EPC2: variants seen among roughly 807,000 people sequenced by gnomAD.
EPC2 encodes enhancer of polycomb 2.
EPC2 carries 14 observed loss-of-function variants against 92.1 expected under a neutral mutation model. That is an observed-to-expected ratio of 0.15 (90% CI 0.10 to 0.24). The LOEUF (loss-of-function observed/expected upper bound fraction) is 0.24, where lower values mean the gene tolerates loss of function less well. EPC2 is among the 10% of genes least tolerant of loss of function. The pLI, the probability that EPC2 is intolerant of heterozygous loss-of-function variation, is 1.00. For synonymous variants in EPC2, 340 were observed against 334.7 expected (o/e 1.02, Z -0.17); for missense variants, 755 against 971.5 (o/e 0.78, Z 2.96).
intron 7 of EPC2, among the ~76,000 whole-genome samples, chr2:148,765,411 T>C (rs1335098488): frequency 6.6e-6 from 1 of 152,198 alleles, no homozygotes; most frequent in African/African-American, 2.4e-5. Flanking sequence ...TTTTTCCCTC[T>C]ATTTAAAATA....
chr2:148,740,001 T>C (rs1272866858), intron 2 of EPC2, among the ~76,000 whole-genome samples: 7 of 151,906 alleles, frequency 4.6e-5, no homozygotes, highest in Non-Finnish European at 1.0e-4. Flanking sequence ...CCCTTCTTTA[T>C]GTTGAGGTGG....
intron 2 of EPC2, among the ~76,000 whole-genome samples, chr2:148,715,801 A>G (rs1682248298): frequency 6.6e-6 from 1 of 152,150 alleles, no homozygotes; most frequent in African/African-American, 2.4e-5. Flanking sequence ...TGAATCTATA[A>G]ATTGTTTTGG....
chr2:148,660,562 T>TATC (rs1243331737), intron 1 of EPC2, among the ~76,000 whole-genome samples: 1 of 152,010 alleles, frequency 6.6e-6, no homozygotes, highest in African/African-American at 2.4e-5. Context: ...GAAATTGACA[T>TATC]ATCAGTCAGA....
rs146990501 is a variant in EPC2, at chr2:148,751,429, A to C, written c.460-2498A>C. On this transcript the variant is annotated intron_variant, in intron 3 of 13. Coordinates refer to ENST00000258484, the MANE Select transcript of EPC2 (RefSeq NM_015630.4). The stretch of plus-strand genomic sequence containing the variant: ...ATCAACTCAGAGCTATCTTGGAAAT[A>C]ATAAATTTACCAGACTTTTTTGCCA... Among the ~76,000 whole-genome samples, 498 of 152,214 alleles carry C rather than the reference A, an allele frequency of 3.3e-3. 4 individuals are homozygous for C. The highest frequency in any genetic ancestry group is 0.011 in the African/African-American group (462 of 41,534).
intron 2 of EPC2, among the ~76,000 whole-genome samples, chr2:148,710,159 TCAAA>T (rs576462317): frequency 3.0e-4 from 45 of 151,782 alleles, no homozygotes; most frequent in African/African-American, 9.9e-4. Flanking sequence ...AAGAAAAAAA[TCAAA>T]CAACACCATC....
chr2:148,785,493 A>G (rs1259544859), intron 13 of EPC2, among the ~76,000 whole-genome samples: 1 of 152,066 alleles, frequency 6.6e-6, no homozygotes, highest in Non-Finnish European at 1.5e-5. Context: ...ATGCCTGGCT[A>G]ATTTTTGTAT....
At chr2:148,778,023 G>T (rs921348063) in intron 10 of EPC2, among the ~76,000 whole-genome samples, 1 of 152,142 alleles carries the variant, frequency 6.6e-6, no homozygotes, top group African/African-American at 2.4e-5. Context: ...GTGTTATATA[G>T]AATGTGTTAC....
chr2:148,695,571 A>G (rs1359935938), intron 2 of EPC2, among the ~76,000 whole-genome samples: 1 of 152,230 alleles, frequency 6.6e-6, no homozygotes, highest in Non-Finnish European at 1.5e-5. Context: ...CTTCAGTCTC[A>G]TTATCCTTGG....
At chr2:148,651,226 C>G (rs1031648235) in intron 1 of EPC2, among the ~76,000 whole-genome samples, 3 of 152,146 alleles carry the variant, frequency 2.0e-5, no homozygotes, top group Admixed American at 6.5e-5. Flanking sequence ...TCTGAGGATG[C>G]TGAGTAGACC....
chr2:148,766,757 T>C (rs114844733), intron 7 of EPC2, among the ~76,000 whole-genome samples: 1,767 of 152,318 alleles, frequency 0.012, 33 homozygotes, highest in African/African-American at 0.041. Flanking sequence ...ATCTACATCA[T>C]ACATACTGGG....
intron 3 of EPC2, among the ~76,000 whole-genome samples, chr2:148,748,057 C>A (rs1683018359): frequency 6.6e-6 from 1 of 152,006 alleles, no homozygotes; most frequent in Non-Finnish European, 1.5e-5. Flanking sequence ...GTGGATTTTC[C>A]CCTTGCTGTT....
intron 1 of EPC2, among the ~76,000 whole-genome samples, chr2:148,681,258 AT>A (rs113551392): frequency 1.3e-5 from 2 of 150,604 alleles, no homozygotes; most frequent in African/African-American, 2.4e-5. Flanking sequence ...GATAAAAGAG[AT>A]TTTTTTTTTC....
chr2:148,685,850 T>C (rs898906952), intron 1 of EPC2, among the ~76,000 whole-genome samples: 1 of 152,270 alleles, frequency 6.6e-6, no homozygotes, highest in African/African-American at 2.4e-5. Context: ...GTCTAAAATA[T>C]ATCCATTCCT....
At chr2:148,714,392 TAATAG>T (rs1309459147) in intron 2 of EPC2, among the ~76,000 whole-genome samples, 1 of 152,190 alleles carries the variant, frequency 6.6e-6, no homozygotes, top group Non-Finnish European at 1.5e-5. Flanking sequence ...TGTATCTTTA[TAATAG>T]AATGATTTAT....
intron 3 of EPC2, among the ~76,000 whole-genome samples, chr2:148,749,586 G>A (rs1683048819): frequency 6.6e-6 from 1 of 151,650 alleles, no homozygotes; most frequent in Non-Finnish European, 1.5e-5. Context: ...AGGAAAATGT[G>A]GTTCTCACGT....
At chr2:148,700,428 T>C (rs1454653074) in intron 2 of EPC2, among the ~76,000 whole-genome samples, 1 of 151,926 alleles carries the variant, frequency 6.6e-6, no homozygotes, top group Non-Finnish European at 1.5e-5. Flanking sequence ...TCTAGATTCA[T>C]TTTTTTTCAT....
rs1293058535 is a variant in EPC2 at position 148,652,375 on chromosome 2, TTG to T, written c.153+7207_153+7208del. Among the ~76,000 whole-genome samples the T allele has an allele frequency of 2.0e-5, 3 of 152,170 alleles. No individual in the cohort carries two copies. In the East Asian group the frequency reaches 5.8e-4, roughly 29 times the overall value. On this transcript the variant is annotated intron_variant, in intron 1 of 13. Transcript: ENST00000258484. Reference sequence around the variant, plus strand: ...GATGTTTTAATGAGCTTAGAATAATTTGTATGTGTTATGTTTTAAATGAAATT... The same window carrying T: ...GATGTTTTAATGAGCTTAGAATAATTTATGTGTTATGTTTTAAATGAAATT...
At chr2:148,736,282 A>G (rs1427238764) in intron 2 of EPC2, among the ~76,000 whole-genome samples, 8 of 152,188 alleles carry the variant, frequency 5.3e-5, no homozygotes, top group Non-Finnish European at 7.3e-5. Flanking sequence ...ATTTTAATCC[A>G]TTGAATTTAT....
chr2:148,699,198 T>A (rs1403753649), intron 2 of EPC2, among the ~76,000 whole-genome samples: 1 of 152,184 alleles, frequency 6.6e-6, no homozygotes, highest in East Asian at 1.9e-4. Flanking sequence ...GATTTTAGAT[T>A]TACAAAAAAG....
Sources: allele counts gnomAD v4.1 joint callset (sites outside exome capture counted in the v4.1 genomes callset), GRCh38; gene constraint gnomAD v4.1.1; transcripts MANE v1.5; gene names NCBI Gene and HGNC (gene_info 2026-07-23, HGNC 2026-07-21).